Variants in HMCN1 observed in about 807,000 individuals in gnomAD.
The protein encoded by HMCN1 is hemicentin-1.
HMCN1 carries 321 observed loss-of-function variants against 625.9 expected under a neutral mutation model. That is an observed-to-expected ratio of 0.51 (90% CI 0.47 to 0.56). The LOEUF is 0.56. HMCN1 is among the 20% of genes least tolerant of loss of function. The pLI is 0.00. For missense variants in HMCN1, 6,588 were observed against 6,887.3 expected, an observed-to-expected ratio of 0.96 and a Z score of 1.54; for synonymous variants, 2,425 against 2,417.6, an observed-to-expected ratio of 1.00 and a Z score of -0.09.
intron 1 of HMCN1, among the ~76,000 whole-genome samples, chr1:185,832,436 C>A (rs1168833431): frequency 1.3e-5 from 2 of 151,996 alleles, no homozygotes; most frequent in East Asian, 3.8e-4. Context: ...ATTATTAAGA[C>A]AATTTGGTTC....
rs1658030831 is a variant in HMCN1 at position 186,065,251 on chromosome 1, A to G, written c.7527A>G (p.Pro2509=). 3 of 1,612,118 alleles carry G rather than the reference A, an allele frequency of 1.9e-6. No homozygotes were observed. Among genetic ancestry groups the G allele is most frequent in the Non-Finnish European group, 2.5e-6 (3 of 1,179,774 alleles). ...LTCEVTGNPV[P]EITWHKDGQP... Reference sequence around the variant, plus strand: ...GGATTTTTACAGGGAATCCAGTGCCAGAAATTACATGGCACAAAGATGGGC... The same window carrying G: ...GGATTTTTACAGGGAATCCAGTGCCGGAAATTACATGGCACAAAGATGGGC... Residue 2509 remains proline, a synonymous_variant, in exon 49 of 107, where the codon CCA becomes CCG. Coordinates refer to ENST00000271588, the MANE Select transcript of HMCN1 (RefSeq NM_031935.3).
At chr1:185,846,215 T>C (rs1661804412) in intron 2 of HMCN1, 119 bp downstream of exon 2, 5 of 732,384 alleles carry the variant, frequency 6.8e-6, no homozygotes, top group South Asian at 6.2e-5. Flanking sequence ...GACCCAATAA[T>C]TGCCACATCC....
intron 100 of HMCN1, among the ~76,000 whole-genome samples, chr1:186,169,924 T>A (rs554114366): frequency 6.6e-6 from 1 of 150,810 alleles, no homozygotes; most frequent in Admixed American, 6.6e-5. Flanking sequence ...TTGCAATCTA[T>A]CCACCTGACA....
chr1:186,172,729 C>T (rs1298725633), intron 102 of HMCN1, among the ~76,000 whole-genome samples: 1 of 152,132 alleles, frequency 6.6e-6, no homozygotes, highest in Non-Finnish European at 1.5e-5. Context: ...AAGAGAGATA[C>T]CATTCCCATT....
intron 93 of HMCN1, among the ~76,000 whole-genome samples, chr1:186,149,830 C>T (rs1024969937): frequency 2.0e-5 from 3 of 151,964 alleles, no homozygotes; most frequent in South Asian, 2.1e-4. Flanking sequence ...TAGGGAGGCT[C>T]GAGGAGAGGA....
intron 67 of HMCN1, among the ~76,000 whole-genome samples, chr1:186,095,021 A>T (rs1660054465): frequency 6.6e-6 from 1 of 152,168 alleles, no homozygotes; most frequent in African/African-American, 2.4e-5. Context: ...TGCGTTCTGT[A>T]AGAAAACAAT....
rs1033584883 is a variant in HMCN1, at chr1:186,005,180, T to C, written c.4475+1336T>C. On this transcript the variant is annotated intron_variant, in intron 29 of 106. Coordinates refer to ENST00000271588, the MANE Select transcript of HMCN1 (RefSeq NM_031935.3). ...AAACAATTTTTTAATTGTTTATAAA[T>C]GTTTATAAACAATTTTTTAATTGTT... Among the ~76,000 whole-genome samples the C allele has an allele frequency of 1.2e-3, 177 of 148,102 alleles. 1 individual carries two copies. The highest frequency in any genetic ancestry group is 3.2e-3 in the African/African-American group (130 of 40,534).
intron 97 of HMCN1, among the ~76,000 whole-genome samples, chr1:186,163,779 T>C (rs1651684743): frequency 6.6e-6 from 1 of 152,204 alleles, no homozygotes; most frequent in Non-Finnish European, 1.5e-5. Flanking sequence ...GACTGTCTCA[T>C]ACATGGCAAT....
At position 185,832,034 on chromosome 1, in the gene HMCN1, G is replaced by A. The variant is rs768769201; in HGVS notation, c.269-13992G>A. Among the ~76,000 whole-genome samples the A allele has an allele frequency of 4.6e-5, 7 of 152,162 alleles. No homozygotes were observed. The South Asian group carries it at 6.2e-4, about 13-fold the overall frequency. ...ATAATGGCCGGGCGTGGTGGCTCACGCCTATAATTCCAGCACTTTGGGAGG... is the reference window on the plus strand; with the variant it reads ...ATAATGGCCGGGCGTGGTGGCTCACACCTATAATTCCAGCACTTTGGGAGG... On this transcript the variant is annotated intron_variant, in intron 1 of 106. Transcript: ENST00000271588.
intron 36 of HMCN1, among the ~76,000 whole-genome samples, chr1:186,032,217 G>GA (rs956327201): frequency 6.0e-5 from 9 of 149,138 alleles, no homozygotes; most frequent in East Asian, 2.0e-4. Context: ...AGATCAGCAA[G>GA]AAAAAAAAAT....
Position 186,090,775 on chromosome 1 carries a change from G to C in HMCN1, c.9745G>C (p.Gly3249Arg), listed in dbSNP as rs781034354. ...LSIQVPPSVAGAEIPSDVSVL... is the reference protein window; with the variant it reads ...LSIQVPPSVARAEIPSDVSVL... ...CTCCAAAGTTCCTCCAAGTGTTGCT[G>C]GTGCTGAAATTCCAAGTGATGTCAG... The change falls in exon 64 of 107, where the codon GGT becomes CGT. Residue 3249 changes from glycine to arginine, a missense_variant. By Grantham distance (125) the Gly-to-Arg change is moderately radical. Coordinates refer to ENST00000271588, the MANE Select transcript of HMCN1 (RefSeq NM_031935.3). The C allele has an allele frequency of 9.3e-6, 15 of 1,612,216 alleles. No homozygotes were observed. Among genetic ancestry groups the C allele is most frequent in the Non-Finnish European group, 1.1e-5 (13 of 1,178,894 alleles).
At chr1:186,138,192 T>C (rs558939673) in intron 89 of HMCN1, among the ~76,000 whole-genome samples, 1 of 152,262 alleles carries the variant, frequency 6.6e-6, no homozygotes, top group East Asian at 1.9e-4. Flanking sequence ...TAATTGAACT[T>C]GAAGAAAGGG....
At chr1:185,867,893 A>G (rs1454541271) in intron 4 of HMCN1, among the ~76,000 whole-genome samples, 1 of 152,054 alleles carries the variant, frequency 6.6e-6, no homozygotes, top group Non-Finnish European at 1.5e-5. Flanking sequence ...ACATGGTGAA[A>G]ACCCGTCTCT....
chr1:185,815,205 A>G (rs1389989509), intron 1 of HMCN1, among the ~76,000 whole-genome samples: 1 of 150,356 alleles, frequency 6.7e-6, no homozygotes, highest in Admixed American at 6.6e-5. Flanking sequence ...CCTGAGAATG[A>G]TGTAATCAAC....
intron 6 of HMCN1, 43 bp from the exon 7 acceptor site, chr1:185,922,336 A>G: frequency 6.2e-7 from 1 of 1,610,830 alleles, no homozygotes. Context: ...TGACCAGCAT[A>G]CTGGATCAAC....
In HMCN1 at chr1:186,108,642, A is replaced by C. The variant is rs769380968; in HGVS notation, c.10989+45A>C. 2.5e-6 allele frequency: 4 copies of C among 1,610,352 alleles called. No individual in the cohort carries two copies. In the East Asian group the frequency reaches 8.9e-5, roughly 36 times the overall value. On this transcript the variant is annotated intron_variant, in intron 71 of 106. Coordinates refer to ENST00000271588, the MANE Select transcript of HMCN1 (RefSeq NM_031935.3). Reference sequence around the variant, plus strand: ...CCACAAATTCCTTTTTGAGATGAAAAAAGTAAAAAAATCAGCTCTAGGGCC... The same window carrying C: ...CCACAAATTCCTTTTTGAGATGAAACAAGTAAAAAAATCAGCTCTAGGGCC...
intron 68 of HMCN1, 122 bp from the exon 69 acceptor site, chr1:186,103,350 T>C: frequency 5.1e-6 from 4 of 789,204 alleles, no homozygotes; most frequent in Non-Finnish European, 8.5e-6. Flanking sequence ...TATTTCACTT[T>C]CCTTGTTCTA....
chr1:185,916,666 G>A (rs1666719233), intron 6 of HMCN1, among the ~76,000 whole-genome samples: 1 of 152,188 alleles, frequency 6.6e-6, no homozygotes, highest in African/African-American at 2.4e-5. Flanking sequence ...AACTCTGTTG[G>A]AGAGAGAAAA....
chr1:186,185,083 G>A lies in HMCN1; in HGVS notation c.16414+2796G>A, dbSNP rs370635644. Among the ~76,000 whole-genome samples the A allele has an allele frequency of 5.3e-5, 8 of 152,208 alleles. No homozygotes were observed. In the South Asian group the frequency reaches 8.3e-4, roughly 16 times the overall value. On this transcript the variant is annotated intron_variant, in intron 105 of 106. Transcript: ENST00000271588. ...ACTTAGGAAAGCTTTTTAATAGAAAGTGTATATTTCTATATTAGATTCTGA... is the reference window on the plus strand; with the variant it reads ...ACTTAGGAAAGCTTTTTAATAGAAAATGTATATTTCTATATTAGATTCTGA...
Sources: allele counts gnomAD v4.1 joint callset (sites outside exome capture counted in the v4.1 genomes callset), GRCh38; gene constraint gnomAD v4.1.1; transcripts MANE v1.5; gene names NCBI Gene and HGNC (gene_info 2026-07-23, HGNC 2026-07-21).